The following SPATA13 variants were observed in gnomAD, a reference collection of about 807,000 sequenced individuals.
The protein encoded by SPATA13 is spermatogenesis associated 13, also known as spermatogenesis-associated protein 13.
SPATA13 carries 50 observed loss-of-function variants against 104.0 expected under a neutral mutation model. The ratio of observed to expected loss-of-function variants is 0.48; its 90% CI spans 0.38 to 0.61. SPATA13 has a LOEUF of 0.61. Among genes scored for constraint, SPATA13 ranks in the 20% least tolerant of loss-of-function variants. The probability of loss-of-function intolerance (pLI) is 0.00; values close to 1 mark genes in which losing one functional copy is unlikely to be tolerated. For missense variants in SPATA13, 1,524 were observed against 1,690.6 expected (o/e 0.90, Z 1.73); for synonymous variants, 606 against 667.5 (o/e 0.91, Z 1.42).
chr13:24,007,321 T>C (rs1393495131), intron 2 of SPATA13, among the ~76,000 whole-genome samples: 2 of 152,190 alleles, frequency 1.3e-5, no homozygotes, highest in East Asian at 3.8e-4. Flanking sequence ...GGCTTGCCTG[T>C]GGAGGGGACT....
chr13:24,289,085 C>G lies in SPATA13; in HGVS notation c.2754C>G (p.Tyr918Ter). ...ATIFGNIEDI[Y>*]KFQRKFLKDL... Reference sequence around the variant, plus strand: ...TTTTTGGAAACATTGAAGATATTTACAAATTCCAAAGAAAGTTTCTGAAAG... The same window carrying G: ...TTTTTGGAAACATTGAAGATATTTAGAAATTCCAAAGAAAGTTTCTGAAAG... Residue 918 changes from tyrosine (Y) to a stop codon, truncating the protein, a stop_gained, in exon 8 of 13, where the codon TAC becomes TAG. Coordinates refer to ENST00000382108, the MANE Select transcript of SPATA13 (RefSeq NM_001166271.3). LOFTEE classifies it high-confidence loss of function. The G allele has an allele frequency of 6.2e-7, 1 of 1,613,932 alleles. No homozygotes were observed. Among genetic ancestry groups the G allele is most frequent in the Non-Finnish European group, 8.5e-7 (1 of 1,179,936 alleles).
intron 2 of SPATA13, among the ~76,000 whole-genome samples, chr13:23,993,930 A>G (rs1875540569): frequency 6.7e-6 from 1 of 149,024 alleles, no homozygotes; most frequent in Admixed American, 6.7e-5. Flanking sequence ...GTGAGCGATG[A>G]TTCCCTGAAG....
intron 4 of SPATA13, among the ~76,000 whole-genome samples, chr13:24,259,199 C>T (rs1185728081): frequency 6.6e-6 from 1 of 152,238 alleles, no homozygotes; most frequent in Non-Finnish European, 1.5e-5. Context: ...AAGACCACAG[C>T]TCCCAAAGGT....
chr13:24,235,721 C>G (rs981402646), intron 2 of SPATA13, among the ~76,000 whole-genome samples: 2 of 152,202 alleles, frequency 1.3e-5, no homozygotes, highest in Admixed American at 1.3e-4. Context: ...TGCACCACTT[C>G]ACTTCAGCCT....
chr13:24,086,289 G>A (rs1178119939), intron 3 of SPATA13, among the ~76,000 whole-genome samples: 1 of 152,160 alleles, frequency 6.6e-6, no homozygotes, highest in Non-Finnish European at 1.5e-5. Flanking sequence ...TAAAAAAAGG[G>A]ATCTGAAATT....
chr13:24,298,008 CTATGAAGTGGTTGCTGTTA>C (rs1876914951), intron 11 of SPATA13, among the ~76,000 whole-genome samples: 1 of 152,226 alleles, frequency 6.6e-6, no homozygotes, highest in South Asian at 2.1e-4. Flanking sequence ...CATTGAATCC[CTATGAAGTGGTTGCTGTTA>C]TTATACCCAA....
chr13:24,068,611 C>A (rs943341115), intron 3 of SPATA13, among the ~76,000 whole-genome samples: 1 of 152,134 alleles, frequency 6.6e-6, no homozygotes, highest in African/African-American at 2.4e-5. Flanking sequence ...TATAAGCATC[C>A]CTTTTTCTCC....
At chr13:24,045,648 G>C (rs933505368) in intron 3 of SPATA13, among the ~76,000 whole-genome samples, 1 of 152,220 alleles carries the variant, frequency 6.6e-6, no homozygotes, top group Non-Finnish European at 1.5e-5. Context: ...AAGGGAAGTC[G>C]AGAAGTTCAA....
At chr13:24,268,148 AG>A (rs1255717708) in intron 4 of SPATA13, among the ~76,000 whole-genome samples, 3 of 152,264 alleles carry the variant, frequency 2.0e-5, no homozygotes, top group African/African-American at 7.2e-5. Flanking sequence ...ATGTTAAAGA[AG>A]ATGGCACAGC....
At chr13:24,080,862 G>A (rs1879490169) in intron 3 of SPATA13, among the ~76,000 whole-genome samples, 1 of 152,140 alleles carries the variant, frequency 6.6e-6, no homozygotes, top group East Asian at 1.9e-4. Context: ...CCTCCAAAGA[G>A]TTAGGCAACT....
chr13:24,120,130 C>T (rs143206614), intron 3 of SPATA13, among the ~76,000 whole-genome samples: 135 of 152,220 alleles, frequency 8.9e-4, no homozygotes, highest in Non-Finnish European at 1.7e-3. Flanking sequence ...CTTAGGCAGT[C>T]CTCAGCCCTG....
intron 3 of SPATA13, among the ~76,000 whole-genome samples, chr13:24,092,678 T>C (rs1879946008): frequency 6.6e-6 from 1 of 152,214 alleles, no homozygotes; most frequent in Non-Finnish European, 1.5e-5. Context: ...TAAAAACATA[T>C]TGTACTATTG....
chr13:24,289,275 G>C lies in SPATA13; in HGVS notation c.2847+97G>C. On this transcript the variant is annotated intron_variant, in intron 8 of 12. Coordinates refer to ENST00000382108, the MANE Select transcript of SPATA13 (RefSeq NM_001166271.3). ...AGGAGTCTCTTTTGTTTTATTGTTT[G>C]TTTGCTAGATGAATCTTCCATAGAA... 3 of 1,010,334 alleles carry C rather than the reference G, an allele frequency of 3.0e-6. 1 individual carries two copies. The South Asian group carries it at 4.7e-5, about 16-fold the overall frequency. The allele number at this position is 1,010,334 out of a possible 1,614,324, so 62.6% of individuals were successfully genotyped here.
At chr13:24,063,443 C>T (rs1056908875) in intron 3 of SPATA13, among the ~76,000 whole-genome samples, 11 of 152,128 alleles carry the variant, frequency 7.2e-5, no homozygotes, top group Admixed American at 5.2e-4. Flanking sequence ...TCTGTGTAAG[C>T]GCCTCTGGAC....
In SPATA13 at chr13:24,022,050, T is replaced by TC. The variant is rs972479577; in HGVS notation, c.-112+4350dup. 4.1e-5 allele frequency among the ~76,000 whole-genome samples: 6 copies of TC among 146,914 alleles called. No homozygotes were observed. The South Asian group carries it at 6.5e-4, about 16-fold the overall frequency. ...CTTAATGTTTCTTTTCTCTTTTCTT[T>TC]CTTTTTTTTTTTTTTTCAAATGGAG... On this transcript the variant is annotated intron_variant, in intron 3 of 14. Transcript: ENST00000424834.
chr13:24,289,201 A>G (rs1172579839), intron 8 of SPATA13, 23 bp downstream of exon 8: 1 of 1,582,152 alleles, frequency 6.3e-7, no homozygotes, highest in South Asian at 1.2e-5. Flanking sequence ...TTACTTCATT[A>G]TTAATAACAT....
At chr13:24,090,501 G>T (rs1220452124) in intron 3 of SPATA13, among the ~76,000 whole-genome samples, 1 of 152,108 alleles carries the variant, frequency 6.6e-6, no homozygotes, top group African/African-American at 2.4e-5. Flanking sequence ...CCTCACCTGA[G>T]CTTTGACCTC....
rs1402356637 is a variant in SPATA13, at chr13:24,306,595, A to G, written c.*3822A>G. 1.3e-5 allele frequency: 2 copies of G among 152,250 alleles called. No individual in the cohort carries two copies. Among genetic ancestry groups the G allele is most frequent in the Non-Finnish European group, 2.9e-5 (2 of 68,042 alleles). 9.4% of individuals were successfully genotyped at this position (152,250 alleles called of 1,614,324 possible). ...CAGGATGCAATGAAAGTGGATTTCA[A>G]AAGGCTTTGGAAAAATAAGTGGAAC... On this transcript the variant is annotated 3_prime_UTR_variant, in exon 13 of 13. Transcript: ENST00000382108.
chr13:24,187,291 G>A (rs1358181778), intron 1 of SPATA13, among the ~76,000 whole-genome samples: 1 of 152,126 alleles, frequency 6.6e-6, no homozygotes, highest in Non-Finnish European at 1.5e-5. Context: ...ATGACTGGAG[G>A]TAGATGAAGA....
Sources: gnomAD v4.1 joint callset for allele counts (sites outside exome capture counted in the v4.1 genomes callset) on GRCh38, gnomAD v4.1.1 for gene constraint, MANE v1.5 for transcripts, NCBI Gene and HGNC (gene_info 2026-07-23, HGNC 2026-07-21) for gene names.